The following NLGN4X variants were observed in gnomAD, a reference collection of about 807,000 sequenced individuals.
NLGN4X encodes neuroligin 4 X-linked.
A neutral mutation model predicts 40.3 loss-of-function variants in NLGN4X; 3 were observed. The observed-to-expected ratio is 0.07, with a 90% CI of 0.03 to 0.19. NLGN4X has a LOEUF of 0.19. NLGN4X is among the 10% of genes least tolerant of loss of function. NLGN4X has a pLI of 1.00. For synonymous variants in NLGN4X, 270 were observed against 306.8 expected (o/e 0.88, Z 1.25); for missense variants, 382 against 708.3 (o/e 0.54, Z 5.23).
At chrX:6,048,239 C>A (rs936368209) in intron 2 of NLGN4X, among the ~76,000 whole-genome samples, 5 of 111,856 alleles carry the variant, frequency 4.5e-5, no homozygotes, top group Admixed American at 2.8e-4. Context: ...TGGTACAAAA[C>A]CTTTCCCAAT....
At chrX:5,928,712 A>T (rs1049324919) in intron 3 of NLGN4X, among the ~76,000 whole-genome samples, 1 of 112,005 alleles carries the variant, frequency 8.9e-6, no homozygotes, top group African/African-American at 3.2e-5. Flanking sequence ...AGCTTCATGG[A>T]AGCCCCTTGG....
intron 1 of NLGN4X, among the ~76,000 whole-genome samples, chrX:6,190,960 G>C (rs1298299981): frequency 9.0e-6 from 1 of 111,338 alleles, no homozygotes; most frequent in African/African-American, 3.3e-5. Flanking sequence ...TACTTTATGA[G>C]ATGTACCCCG....
intron 3 of NLGN4X, among the ~76,000 whole-genome samples, chrX:5,934,443 A>T (rs1426373112): frequency 8.9e-6 from 1 of 112,240 alleles, no homozygotes; most frequent in African/African-American, 3.2e-5. Context: ...GAAAGCTTCC[A>T]TAAGACTCGA....
At chrX:6,152,126 A>AT (rs938869611) in intron 1 of NLGN4X, among the ~76,000 whole-genome samples, 4 of 110,263 alleles carry the variant, frequency 3.6e-5, no homozygotes, top group African/African-American at 1.3e-4. Context: ...AATTCGTTGG[A>AT]TTTTTTTGTA....
intron 3 of NLGN4X, among the ~76,000 whole-genome samples, chrX:5,951,129 A>G (rs1177010501): frequency 2.7e-5 from 3 of 112,073 alleles, no homozygotes; most frequent in African/African-American, 9.7e-5. Context: ...TCTTTTACAG[A>G]AGACATTATC....
chrX:5,993,726 G>A (rs1195575394), intron 3 of NLGN4X, among the ~76,000 whole-genome samples: 5 of 111,955 alleles, frequency 4.5e-5, no homozygotes, highest in East Asian at 5.7e-4. Context: ...TGTCAGCTAC[G>A]ATGGTGATGG....
At chrX:5,973,244 T>C (rs2035077587) in intron 3 of NLGN4X, among the ~76,000 whole-genome samples, 1 of 112,362 alleles carries the variant, frequency 8.9e-6, no homozygotes, top group South Asian at 3.7e-4. Flanking sequence ...TACAGATTTA[T>C]TGGAAGAGAG....
chrX:6,183,131 A>C (rs933914826), intron 1 of NLGN4X, among the ~76,000 whole-genome samples: 2 of 112,500 alleles, frequency 1.8e-5, no homozygotes, highest in Non-Finnish European at 3.8e-5. Flanking sequence ...ATAACCATCT[A>C]GTGGAAAACA....
intron 3 of NLGN4X, among the ~76,000 whole-genome samples, chrX:5,963,060 G>A (rs1443670106): frequency 9.2e-6 from 1 of 108,939 alleles, no homozygotes; most frequent in Non-Finnish European, 1.9e-5. Context: ...CTCTGGAACT[G>A]GGTAATAAGT....
intron 3 of NLGN4X, among the ~76,000 whole-genome samples, chrX:6,016,446 T>C (rs56993596): frequency 0.071 from 7,897 of 111,519 alleles, 626 homozygotes; most frequent in African/African-American, 0.23. Context: ...AGGATGGCTA[T>C]AATTAAAAAG....
intron 1 of NLGN4X, among the ~76,000 whole-genome samples, chrX:6,179,599 G>C (rs1921208301): frequency 8.9e-6 from 1 of 112,213 alleles, no homozygotes; most frequent in South Asian, 3.7e-4. Flanking sequence ...CTGAGAATTG[G>C]ATGAGTGTGT....
chrX:5,916,088 T>C (rs1400578944), intron 3 of NLGN4X, among the ~76,000 whole-genome samples: 1 of 111,486 alleles, frequency 9.0e-6, no homozygotes, highest in African/African-American at 3.3e-5. Context: ...ATCATGATGG[T>C]CTCCAGTGTA....
At chrX:6,036,320 C>A (rs928589320) in intron 2 of NLGN4X, among the ~76,000 whole-genome samples, 48 of 111,540 alleles carry the variant, frequency 4.3e-4, no homozygotes, top group African/African-American at 1.6e-3. Context: ...TGCCAAATCC[C>A]AATTTTAAAT....
chrX:6,134,103 G>A (rs1332224564), intron 2 of NLGN4X, among the ~76,000 whole-genome samples: 1 of 110,943 alleles, frequency 9.0e-6, no homozygotes, highest in African/African-American at 3.3e-5. Context: ...CTAAATACTT[G>A]TCCTGGTTGA....
intron 2 of NLGN4X, among the ~76,000 whole-genome samples, chrX:6,101,367 C>T (rs368750871): frequency 3.6e-5 from 4 of 111,793 alleles, no homozygotes; most frequent in African/African-American, 1.3e-4. Flanking sequence ...ATCCACACCC[C>T]CATGTTTGTT....
chrX:6,065,880 A>G (rs2037901856), intron 2 of NLGN4X, among the ~76,000 whole-genome samples: 1 of 112,040 alleles, frequency 8.9e-6, no homozygotes, highest in Admixed American at 9.5e-5. Context: ...TTAAAATGTT[A>G]AATCAAAAGC....
intron 3 of NLGN4X, among the ~76,000 whole-genome samples, chrX:6,015,288 A>T (rs990876536): frequency 8.9e-6 from 1 of 111,950 alleles, no homozygotes; most frequent in Admixed American, 9.5e-5. Context: ...GAATGAAAGA[A>T]GAATGAATGA....
At chrX:6,219,371 TTC>T (rs1282127697) in intron 1 of NLGN4X, among the ~76,000 whole-genome samples, 3 of 60,289 alleles carry the variant, frequency 5.0e-5, no homozygotes, top group Non-Finnish European at 8.8e-5. Flanking sequence ...TCTTTTTCTC[TTC>T]TTTCTTTCCT....
At chrX:5,972,045 C>T (rs1011009712) in intron 3 of NLGN4X, among the ~76,000 whole-genome samples, 4 of 110,902 alleles carry the variant, frequency 3.6e-5, no homozygotes, top group African/African-American at 9.8e-5. Context: ...TGCATTTTCT[C>T]AATAAAGAAT....
Sources: allele counts gnomAD v4.1 joint callset (sites outside exome capture counted in the v4.1 genomes callset), GRCh38; gene constraint gnomAD v4.1.1; transcripts MANE v1.5; gene names NCBI Gene and HGNC (gene_info 2026-07-23, HGNC 2026-07-21).